The following FAF1 variants were observed in gnomAD, a reference collection of about 807,000 sequenced individuals.
FAF1 encodes Fas associated factor 1.
FAF1 carries 25 observed loss-of-function variants against 92.5 expected under a neutral mutation model. That is an observed-to-expected ratio of 0.27 (90% CI 0.20 to 0.38). The LOEUF is 0.38. FAF1 is among the 10% of genes least tolerant of loss of function. FAF1 has a pLI of 1.00. For synonymous variants in FAF1, 234 were observed against 273.2 expected, an observed-to-expected ratio of 0.86 and a Z score of 1.42; for missense variants, 636 against 793.3, an observed-to-expected ratio of 0.80 and a Z score of 2.38.
At chr1:50,625,591 G>T (rs1252647971) in intron 8 of FAF1, among the ~76,000 whole-genome samples, 1 of 152,158 alleles carries the variant, frequency 6.6e-6, no homozygotes, top group Non-Finnish European at 1.5e-5. Context: ...TAATTAAAGA[G>T]GAGGGTAGGC....
chr1:50,939,823 C>T (rs773325373), intron 1 of FAF1, among the ~76,000 whole-genome samples: 15 of 152,322 alleles, frequency 9.8e-5, no homozygotes, highest in Non-Finnish European at 1.5e-4. Flanking sequence ...TGGTGAATCA[C>T]ATTTATTGAA....
At chr1:50,893,399 C>A (rs1570109951) in intron 1 of FAF1, among the ~76,000 whole-genome samples, 1 of 152,202 alleles carries the variant, frequency 6.6e-6, no homozygotes, top group East Asian at 1.9e-4. Context: ...AGGGGGCACC[C>A]CAAGCCCAGT....
chr1:50,917,903 A>G (rs774214386), intron 1 of FAF1, among the ~76,000 whole-genome samples: 1 of 152,202 alleles, frequency 6.6e-6, no homozygotes, highest in Non-Finnish European at 1.5e-5. Flanking sequence ...GCCATACTCA[A>G]AACAGTGCAT....
At chr1:50,442,369 C>T (rs977145055) in intron 18 of FAF1, among the ~76,000 whole-genome samples, 6 of 152,250 alleles carry the variant, frequency 3.9e-5, no homozygotes. Context: ...CTTTAAATTA[C>T]AGCTGTGTTG....
intron 7 of FAF1, among the ~76,000 whole-genome samples, chr1:50,698,163 T>G (rs1042411801): frequency 2.3e-4 from 35 of 152,120 alleles, no homozygotes; most frequent in African/African-American, 7.5e-4. Context: ...GTGTGTGTGT[T>G]TGTTTTACAG....
At chr1:50,938,462 T>C (rs1289882142) in intron 1 of FAF1, among the ~76,000 whole-genome samples, 2 of 152,234 alleles carry the variant, frequency 1.3e-5, no homozygotes, top group Non-Finnish European at 2.9e-5. Context: ...GGAAATGCTA[T>C]GGCTCTGCTA....
At chr1:50,642,515 G>A (rs1485676159) in intron 8 of FAF1, among the ~76,000 whole-genome samples, 1 of 151,502 alleles carries the variant, frequency 6.6e-6, no homozygotes, top group Non-Finnish European at 1.5e-5. Flanking sequence ...CAGGCGTAGG[G>A]GCATATGCCT....
intron 7 of FAF1, among the ~76,000 whole-genome samples, chr1:50,702,661 C>G (rs916521521): frequency 1.3e-5 from 2 of 152,002 alleles, no homozygotes; most frequent in African/African-American, 4.8e-5. Context: ...AATGAAAACC[C>G]TCAATAACTA....
intron 4 of FAF1, chr1:50,780,484 G>A (rs763532428): frequency 1.6e-4 from 29 of 184,834 alleles, no homozygotes; most frequent in Non-Finnish European, 3.0e-4. Context: ...ACACAACACC[G>A]GTAGAGACAG....
At chr1:50,821,847 A>C (rs1644046027) in intron 2 of FAF1, among the ~76,000 whole-genome samples, 1 of 152,142 alleles carries the variant, frequency 6.6e-6, no homozygotes, top group Non-Finnish European at 1.5e-5. Context: ...TTTTGAAGGC[A>C]AAGAATGAAA....
chr1:50,764,152 T>C (rs1038518665), intron 4 of FAF1, among the ~76,000 whole-genome samples: 4 of 152,190 alleles, frequency 2.6e-5, no homozygotes, highest in Non-Finnish European at 5.9e-5. Flanking sequence ...GTCTTATTTA[T>C]GTTAATATGT....
rs191346154 is a variant in FAF1 at position 50,774,827 on chromosome 1, G to A, written c.367+13173C>T. ...TCACATCAGACACCATTTTATAGGA[G>A]GACAAATGCTTTAAAATAATTCTTT... On this transcript the variant is annotated intron_variant, in intron 4 of 18. Transcript: ENST00000396153. Among the ~76,000 whole-genome samples the A allele has an allele frequency of 8.5e-5, 13 of 152,106 alleles. No individual in the cohort carries two copies. In the East Asian group the frequency reaches 2.5e-3, roughly 29 times the overall value.
intron 9 of FAF1, among the ~76,000 whole-genome samples, chr1:50,595,323 G>A (rs557767058): frequency 4.3e-4 from 65 of 152,004 alleles, no homozygotes; most frequent in Non-Finnish European, 7.4e-4. Flanking sequence ...CAAAGTGCTG[G>A]GATTACAGGT....
At chr1:50,664,905 C>T (rs987689815) in intron 7 of FAF1, among the ~76,000 whole-genome samples, 4 of 152,184 alleles carry the variant, frequency 2.6e-5, no homozygotes, top group African/African-American at 9.7e-5. Context: ...CAGACAAGAC[C>T]TTGTCACGAA....
At chr1:50,776,343 T>C (rs1473046232) in intron 4 of FAF1, among the ~76,000 whole-genome samples, 1 of 152,208 alleles carries the variant, frequency 6.6e-6, no homozygotes, top group East Asian at 1.9e-4. Context: ...TATCTACTCC[T>C]GCTTCTAGCT....
chr1:50,704,365 A>G (rs2124421492), intron 7 of FAF1, among the ~76,000 whole-genome samples: 1 of 152,296 alleles, frequency 6.6e-6, no homozygotes, highest in East Asian at 1.9e-4. Context: ...TTCATCATAC[A>G]TTATACTATT....
intron 4 of FAF1, among the ~76,000 whole-genome samples, chr1:50,746,033 G>T (rs946205130): frequency 2.6e-5 from 4 of 151,930 alleles, no homozygotes; most frequent in East Asian, 3.9e-4. Flanking sequence ...AACTTATTGG[G>T]AACTGGAGCA....
chr1:50,600,327 T>C (rs971641187), intron 8 of FAF1, among the ~76,000 whole-genome samples: 1 of 152,250 alleles, frequency 6.6e-6, no homozygotes, highest in South Asian at 2.1e-4. Context: ...ACAAGACCAA[T>C]ATTCTCCAAA....
intron 8 of FAF1, among the ~76,000 whole-genome samples, chr1:50,609,289 C>T (rs999258864): frequency 4.6e-5 from 7 of 152,192 alleles, no homozygotes; most frequent in Non-Finnish European, 1.0e-4. Context: ...TAGCTTGCCA[C>T]ACCGCCATTT....
Sources: allele counts gnomAD v4.1 joint callset (sites outside exome capture counted in the v4.1 genomes callset), GRCh38; gene constraint gnomAD v4.1.1; transcripts MANE v1.5; gene names NCBI Gene and HGNC (gene_info 2026-07-23, HGNC 2026-07-21).